Variants in TCERG1L observed in about 807,000 individuals in gnomAD.
The protein encoded by TCERG1L is transcription elongation regulator 1-like protein.
A neutral mutation model predicts 56.3 loss-of-function variants in TCERG1L; 37 were observed. The ratio of observed to expected loss-of-function variants is 0.66; its 90% CI spans 0.51 to 0.87. The LOEUF is 0.87. TCERG1L is among the 40% of genes least tolerant of loss of function. TCERG1L has a pLI of 0.00. For synonymous variants in TCERG1L, 324 were observed against 326.3 expected (o/e 0.99, Z 0.08); for missense variants, 799 against 774.2 (o/e 1.03, Z -0.38).
chr10:131,140,525 C>A (rs889941077), intron 7 of TCERG1L, among the ~76,000 whole-genome samples: 3 of 152,182 alleles, frequency 2.0e-5, no homozygotes, highest in African/African-American at 7.2e-5. Context: ...CCAGGTCACG[C>A]CTTAACCTCA....
At chr10:131,137,173 C>T (rs1262072254) in intron 7 of TCERG1L, among the ~76,000 whole-genome samples, 2 of 137,030 alleles carry the variant, frequency 1.5e-5, no homozygotes, top group Non-Finnish European at 3.3e-5. Context: ...AACAAAAAAC[C>T]GAGGGCACCC....
chr10:131,294,521 ACT>A (rs1271809231), intron 3 of TCERG1L, among the ~76,000 whole-genome samples: 4 of 151,768 alleles, frequency 2.6e-5, no homozygotes, highest in African/African-American at 9.7e-5. Context: ...GCCCAAATAA[ACT>A]CTCTGTATTA....
intron 4 of TCERG1L, among the ~76,000 whole-genome samples, chr10:131,230,966 GCCCTGAGCACCCTTCATTGTTTAGGGTAC>G (rs150085547): frequency 0.06 from 9,121 of 151,090 alleles, 869 homozygotes; most frequent in African/African-American, 0.2. Flanking sequence ...AGGGACACAT[GCCCTGAGCACCCTTCATTGTTTAGGGTAC>G]CCCTGAGCAC....
intron 3 of TCERG1L, among the ~76,000 whole-genome samples, chr10:131,291,401 C>CCTTTTTTTTTTTTTT (rs1846622466): frequency 2.7e-5 from 1 of 36,566 alleles, no homozygotes; most frequent in Non-Finnish European, 5.1e-5. Flanking sequence ...AACAGCATTT[C>CCTTTTTTTTTTTTTT]TTTTTTTTTT....
chr10:131,257,066 G>GAA (rs548470566), intron 4 of TCERG1L, among the ~76,000 whole-genome samples: 1 of 143,776 alleles, frequency 7.0e-6, no homozygotes, highest in South Asian at 2.2e-4. Context: ...AAGAAAGAAA[G>GAA]AAAAAAAAAA....
intron 4 of TCERG1L, among the ~76,000 whole-genome samples, chr10:131,201,995 G>A (rs1160407016): frequency 6.6e-6 from 1 of 152,232 alleles, no homozygotes; most frequent in East Asian, 1.9e-4. Context: ...TCCAGATCCT[G>A]TAATGCGTTT....
At chr10:131,234,668 G>C (rs1188775405) in intron 4 of TCERG1L, among the ~76,000 whole-genome samples, 4 of 152,020 alleles carry the variant, frequency 2.6e-5, no homozygotes, top group South Asian at 4.2e-4. Flanking sequence ...TCACTAAGCT[G>C]AGGATAATTT....
intron 4 of TCERG1L, among the ~76,000 whole-genome samples, chr10:131,257,685 G>A (rs1846187388): frequency 6.6e-6 from 1 of 152,116 alleles, no homozygotes; most frequent in Non-Finnish European, 1.5e-5. Context: ...GTAGGATTGT[G>A]GCATCTTCCC....
chr10:131,097,511 C>A (rs548800707), intron 11 of TCERG1L, among the ~76,000 whole-genome samples: 2 of 152,192 alleles, frequency 1.3e-5, no homozygotes, highest in South Asian at 4.2e-4. Flanking sequence ...CCACGCCCGG[C>A]TAATTTTTTG....
At chr10:131,149,016 G>C (rs1050586275) in intron 6 of TCERG1L, among the ~76,000 whole-genome samples, 9 of 152,096 alleles carry the variant, frequency 5.9e-5, no homozygotes, top group African/African-American at 2.2e-4. Flanking sequence ...AATATGACCT[G>C]CCCTTCTGCC....
chr10:131,273,108 G>A (rs1846355909), intron 3 of TCERG1L, among the ~76,000 whole-genome samples: 1 of 152,162 alleles, frequency 6.6e-6, no homozygotes, highest in South Asian at 2.1e-4. Flanking sequence ...CCTCACTCAG[G>A]CAGCGCCACC....
At chr10:131,184,356 T>C (rs12768444) in intron 4 of TCERG1L, among the ~76,000 whole-genome samples, 13,330 of 152,298 alleles carry the variant, frequency 0.088, 748 homozygotes, top group East Asian at 0.2. Flanking sequence ...TTAATAAATA[T>C]TGGATGGCTG....
At chr10:131,178,531 A>T (rs1343192324) in intron 4 of TCERG1L, among the ~76,000 whole-genome samples, 1 of 152,164 alleles carries the variant, frequency 6.6e-6, no homozygotes, top group Admixed American at 6.5e-5. Context: ...TCTCAAGGGC[A>T]TGCATCTGTC....
chr10:131,302,578 T>C (rs145489235), intron 3 of TCERG1L, among the ~76,000 whole-genome samples: 5,586 of 151,482 alleles, frequency 0.037, 160 homozygotes, highest in African/African-American at 0.055. Context: ...TTAACATAGC[T>C]AGATCTTTTA....
At chr10:131,113,330 C>G (rs1439264386) in intron 9 of TCERG1L, among the ~76,000 whole-genome samples, 1 of 142,396 alleles carries the variant, frequency 7.0e-6, no homozygotes, top group East Asian at 2.4e-4. Context: ...CTCCCCTTCC[C>G]TGGTGGCCAG....
Position 131,093,128 on chromosome 10 carries a change from T to C in TCERG1L, c.*34A>G, listed in dbSNP as rs1378066322. 24 of 1,599,658 alleles carry C rather than the reference T, an allele frequency of 1.5e-5. No homozygotes were observed. Among genetic ancestry groups the C allele is most frequent in the Non-Finnish European group, 2.0e-5 (23 of 1,172,880 alleles). On this transcript the variant is annotated 3_prime_UTR_variant, in exon 12 of 12. Transcript: ENST00000368642. The stretch of plus-strand genomic sequence containing the variant: ...CCCCTCGCCCCCGGCACGCCCAGGG[T>C]CAACCCCCGGGCTTATTGCATTTTT...
intron 7 of TCERG1L, among the ~76,000 whole-genome samples, chr10:131,145,229 C>T (rs989233319): frequency 6.6e-6 from 1 of 152,200 alleles, no homozygotes; most frequent in Admixed American, 6.5e-5. Context: ...CTAAACTGTG[C>T]ACCATCTTCT....
chr10:131,200,864 C>T (rs2918135), intron 4 of TCERG1L, among the ~76,000 whole-genome samples: 98,042 of 152,034 alleles, frequency 0.64, 33,758 homozygotes, highest in Non-Finnish European at 0.78. Flanking sequence ...CTTTAGGAGT[C>T]GCTTAGATCA....
chr10:131,207,165 C>T (rs1376954666), intron 4 of TCERG1L, among the ~76,000 whole-genome samples: 1 of 151,882 alleles, frequency 6.6e-6, no homozygotes, highest in Non-Finnish European at 1.5e-5. Flanking sequence ...CTCACTTGCC[C>T]CGACCTCTTC....
Sources: allele counts gnomAD v4.1 joint callset (sites outside exome capture counted in the v4.1 genomes callset), GRCh38; gene constraint gnomAD v4.1.1; transcripts MANE v1.5; gene names NCBI Gene and HGNC (gene_info 2026-07-23, HGNC 2026-07-21).